TMEM132D: variants seen among roughly 807,000 people sequenced by gnomAD.
TMEM132D encodes the protein mature OL transmembrane protein.
Under a neutral mutation model 62.3 loss-of-function variants are expected in TMEM132D, and 21 were observed. That is an observed-to-expected ratio of 0.34 (90% CI 0.24 to 0.49). The LOEUF (loss-of-function observed/expected upper bound fraction) is 0.49. Among genes scored for constraint, TMEM132D ranks in the 20% least tolerant of loss-of-function variants. The pLI, the probability that TMEM132D is intolerant of heterozygous loss-of-function variation, is 0.99. For synonymous variants in TMEM132D, 621 were observed against 575.6 expected (o/e 1.08, Z -1.13); for missense variants, 1,346 against 1,402.8 (o/e 0.96, Z 0.65).
At chr12:129,728,418 G>A (rs1409240071) in intron 1 of TMEM132D, among the ~76,000 whole-genome samples, 1 of 152,082 alleles carries the variant, frequency 6.6e-6, no homozygotes, top group African/African-American at 2.4e-5. Flanking sequence ...TAATTAATGG[G>A]GTGTCCACTC....
At chr12:129,763,176 C>T (rs1206130907) in intron 1 of TMEM132D, among the ~76,000 whole-genome samples, 2 of 152,192 alleles carry the variant, frequency 1.3e-5, no homozygotes, top group Non-Finnish European at 2.9e-5. Context: ...CTCCTGGGCT[C>T]AGCTGATCCT....
intron 3 of TMEM132D, among the ~76,000 whole-genome samples, chr12:129,460,362 G>T (rs1873622675): frequency 6.6e-6 from 1 of 152,186 alleles, no homozygotes; most frequent in African/African-American, 2.4e-5. Context: ...CAGGATTGGA[G>T]ATTTGAAAAA....
rs1264293597 is a variant in TMEM132D, at chr12:129,330,108, AAGAG to A, written c.1299+7522_1299+7525del. ...GAAGATGCAGCTGAGATAAGGAGGG[AAGAG>A]ATTCCTTAACGATTACATGATTGTA... On this transcript the variant is annotated intron_variant, in intron 4 of 8. Coordinates refer to ENST00000422113, the MANE Select transcript of TMEM132D (RefSeq NM_133448.3). Among the ~76,000 whole-genome samples, 3 of 152,178 alleles carry A rather than the reference AAGAG, an allele frequency of 2.0e-5. No individual in the cohort carries two copies. In the East Asian group the frequency reaches 5.8e-4, roughly 29 times the overall value.
intron 3 of TMEM132D, among the ~76,000 whole-genome samples, chr12:129,381,360 G>A (rs767876071): frequency 2.0e-5 from 3 of 152,162 alleles, no homozygotes; most frequent in Admixed American, 6.5e-5. Context: ...CTGATGAAAG[G>A]ATTATCTAAC....
intron 3 of TMEM132D, among the ~76,000 whole-genome samples, chr12:129,505,246 G>GTTT (rs57697547): frequency 2.8e-5 from 4 of 144,498 alleles, no homozygotes; most frequent in African/African-American, 1.0e-4. Context: ...CCAGGGTATA[G>GTTT]TTTTTTTTTT....
At chr12:129,874,165 C>T (rs1177231928) in intron 1 of TMEM132D, among the ~76,000 whole-genome samples, 1 of 152,154 alleles carries the variant, frequency 6.6e-6, no homozygotes, top group African/African-American at 2.4e-5. Flanking sequence ...GTCTTCTTAC[C>T]ACAAAATACG....
chr12:129,421,298 A>G (rs150081355), intron 3 of TMEM132D, among the ~76,000 whole-genome samples: 2 of 74,914 alleles, frequency 2.7e-5, no homozygotes, highest in African/African-American at 5.1e-5. Context: ...AGATCATAGT[A>G]TGTATCACAA....
At chr12:129,241,778 A>G (rs1049509291) in intron 4 of TMEM132D, among the ~76,000 whole-genome samples, 1 of 152,188 alleles carries the variant, frequency 6.6e-6, no homozygotes, top group African/African-American at 2.4e-5. Flanking sequence ...TAGACTATGC[A>G]TGTTTTGTTT....
At chr12:129,557,819 G>A (rs577678023) in intron 2 of TMEM132D, among the ~76,000 whole-genome samples, 10 of 152,128 alleles carry the variant, frequency 6.6e-5, no homozygotes, top group South Asian at 2.1e-4. Context: ...TACAACATAC[G>A]CATATATCAA....
intron 1 of TMEM132D, among the ~76,000 whole-genome samples, chr12:129,768,061 G>A (rs2084804): frequency 0.96 from 146,370 of 152,226 alleles, 70,631 homozygotes; most frequent in East Asian, 1. Flanking sequence ...CCATGATTCA[G>A]TTACCTCCTA....
At chr12:129,242,520 G>A (rs1879963970) in intron 4 of TMEM132D, among the ~76,000 whole-genome samples, 1 of 151,866 alleles carries the variant, frequency 6.6e-6, no homozygotes, top group Non-Finnish European at 1.5e-5. Flanking sequence ...TTATTTTTTA[G>A]TTTTTCTTCC....
intron 2 of TMEM132D, among the ~76,000 whole-genome samples, chr12:129,555,571 T>C (rs956432358): frequency 1.3e-5 from 2 of 152,216 alleles, no homozygotes; most frequent in African/African-American, 4.8e-5. Flanking sequence ...TTTTGGACCT[T>C]CTAAAACTTA....
chr12:129,289,610 A>G (rs1018047035), intron 4 of TMEM132D, among the ~76,000 whole-genome samples: 4 of 152,162 alleles, frequency 2.6e-5, no homozygotes, highest in Non-Finnish European at 5.9e-5. Flanking sequence ...ACTAATGTTA[A>G]TTGTGCTTGC....
chr12:129,105,819 G>A (rs1442287317), intron 5 of TMEM132D, among the ~76,000 whole-genome samples: 1 of 151,142 alleles, frequency 6.6e-6, no homozygotes, highest in Non-Finnish European at 1.5e-5. Context: ...ACTGTTGGTG[G>A]GACTGTAAAC....
chr12:129,635,450 G>A (rs533448297), intron 2 of TMEM132D, among the ~76,000 whole-genome samples: 1 of 152,338 alleles, frequency 6.6e-6, no homozygotes, highest in Admixed American at 6.5e-5. Context: ...GAAAGGGAGG[G>A]AAAGCACCCC....
At chr12:129,335,389 C>T (rs1033583599) in intron 4 of TMEM132D, among the ~76,000 whole-genome samples, 3 of 151,516 alleles carry the variant, frequency 2.0e-5, no homozygotes, top group Admixed American at 6.6e-5. Context: ...CTGCCCACCT[C>T]GGCCTCCCAA....
At chr12:129,178,096 T>C (rs1195968845) in intron 5 of TMEM132D, among the ~76,000 whole-genome samples, 1 of 152,238 alleles carries the variant, frequency 6.6e-6, no homozygotes, top group African/African-American at 2.4e-5. Flanking sequence ...GCAAAGGATA[T>C]GATCTTGTTC....
intron 5 of TMEM132D, among the ~76,000 whole-genome samples, chr12:129,136,212 C>A (rs1876552520): frequency 6.6e-6 from 1 of 152,112 alleles, no homozygotes; most frequent in African/African-American, 2.4e-5. Flanking sequence ...TCCTATATAA[C>A]CTCTACTCAG....
intron 1 of TMEM132D, among the ~76,000 whole-genome samples, chr12:129,897,545 G>C (rs1875183430): frequency 6.6e-6 from 1 of 152,104 alleles, no homozygotes; most frequent in Admixed American, 6.6e-5. Flanking sequence ...TTGACCTAGG[G>C]AGGTGGGGGA....
Sources: allele counts gnomAD v4.1 joint callset (sites outside exome capture counted in the v4.1 genomes callset), GRCh38; gene constraint gnomAD v4.1.1; transcripts MANE v1.5; gene names NCBI Gene and HGNC (gene_info 2026-07-23, HGNC 2026-07-21).